The following SMAP1 variants were observed in gnomAD, a reference collection of about 807,000 sequenced individuals.
SMAP1 encodes the protein small ArfGAP 1, also known as stromal membrane-associated protein 1.
In SMAP1, 24 loss-of-function variants were observed where a neutral mutation model predicts 58.5. The observed-to-expected ratio is 0.41, with a 90% confidence interval of 0.30 to 0.58. The LOEUF (loss-of-function observed/expected upper bound fraction) is 0.58, where lower values mean the gene tolerates loss of function less well. SMAP1 is among the 20% of genes least tolerant of loss of function. SMAP1 has a pLI of 0.29. For synonymous variants in SMAP1, 216 were observed against 196.6 expected, an observed-to-expected ratio of 1.10 and a Z score of -0.82; for missense variants, 563 against 566.3, an observed-to-expected ratio of 0.99 and a Z score of 0.06.
At chr6:70,846,768 T>C (rs986362798) in intron 7 of SMAP1, among the ~76,000 whole-genome samples, 2 of 152,096 alleles carry the variant, frequency 1.3e-5, no homozygotes, top group African/African-American at 4.8e-5. Context: ...GTCATGTAAA[T>C]CATTGTAACT....
At chr6:70,823,000 ATCTCTCTTT>A (rs1339427154) in intron 6 of SMAP1, among the ~76,000 whole-genome samples, 96 of 152,016 alleles carry the variant, frequency 6.3e-4, no homozygotes, top group Non-Finnish European at 1.2e-3. Context: ...TAGAATTTTC[ATCTCTCTTT>A]ATATTACCTA....
At chr6:70,764,743 C>T (rs946674512) in intron 3 of SMAP1, among the ~76,000 whole-genome samples, 25 of 152,220 alleles carry the variant, frequency 1.6e-4, no homozygotes, top group African/African-American at 5.5e-4. Context: ...TTGTTTCATG[C>T]CTGTCAATAC....
intron 5 of SMAP1, among the ~76,000 whole-genome samples, chr6:70,795,195 C>T (rs1768551007): frequency 6.6e-6 from 1 of 152,144 alleles, no homozygotes; most frequent in Non-Finnish European, 1.5e-5. Flanking sequence ...TGCTCTCCCT[C>T]TAGTAAATGT....
At chr6:70,774,092 GT>G (rs1393707877) in intron 4 of SMAP1, among the ~76,000 whole-genome samples, 2 of 152,162 alleles carry the variant, frequency 1.3e-5, no homozygotes, top group Admixed American at 6.5e-5. Context: ...TGCAGTACAG[GT>G]TTGTAGCCTG....
At chr6:70,837,287 G>A in intron 7 of SMAP1, among the ~76,000 whole-genome samples, 1 of 152,068 alleles carries the variant, frequency 6.6e-6, no homozygotes, top group East Asian at 1.9e-4. Flanking sequence ...ATCTTCAAAG[G>A]CTTGCTGGAT....
chr6:70,768,427 C>T (rs1252512744), intron 3 of SMAP1, among the ~76,000 whole-genome samples: 1 of 152,090 alleles, frequency 6.6e-6, no homozygotes, highest in Admixed American at 6.6e-5. Context: ...ACAATTTCAG[C>T]TCCTGTTATT....
At position 70,668,006 on chromosome 6, in the gene SMAP1, C is replaced by A; in HGVS notation, c.-18C>A. ...GCCGCCGCCGTAGCTGCCCCAGGCT[C>A]CCCGCCCCGCTGCCGAGATGGCGAC... On this transcript the variant is annotated 5_prime_UTR_variant, in exon 1 of 11. Transcript: ENST00000370455. 1 of 1,574,592 alleles carries A rather than the reference C, an allele frequency of 6.4e-7. No individual in the cohort carries two copies. The highest frequency in any genetic ancestry group is 1.1e-5 in the South Asian group (1 of 87,126).
intron 6 of SMAP1, among the ~76,000 whole-genome samples, chr6:70,814,467 A>G (rs775279424): frequency 2.6e-5 from 4 of 152,124 alleles, no homozygotes; most frequent in Admixed American, 6.6e-5. Flanking sequence ...CCCTGTGCCA[A>G]TGCTCTCAAG....
intron 1 of SMAP1, among the ~76,000 whole-genome samples, chr6:70,705,223 A>T (rs1189885271): frequency 6.7e-6 from 1 of 150,000 alleles, no homozygotes; most frequent in South Asian, 2.1e-4. Flanking sequence ...TTTGAATGAA[A>T]TTTTCTCCAA....
chr6:70,856,875 C>A lies in SMAP1; in HGVS notation c.806C>A (p.Pro269Gln), dbSNP rs769065429. The part of the protein sequence containing the change: ...MPPAQGTPSA[P>Q]AAATLSTVTS... ...TTGTCTCAGGGGACACCCTCTGCAC[C>A]AGCAGCTGCAACCCTGTCTACAGTA... The change falls in exon 9 of 11, where the codon CCA becomes CAA. Residue 269 changes from proline (P) to glutamine (Q), a missense_variant. Physicochemically the swap from Pro to Gln is moderately conservative, Grantham distance 76. Transcript: ENST00000370455. 6.2e-7 allele frequency: 1 copy of A among 1,612,140 alleles called. No individual in the cohort carries two copies. Among genetic ancestry groups the A allele is most frequent in the South Asian group, 1.1e-5 (1 of 90,748 alleles).
At chr6:70,768,413 T>G (rs1767102658) in intron 3 of SMAP1, among the ~76,000 whole-genome samples, 1 of 152,228 alleles carries the variant, frequency 6.6e-6, no homozygotes. Flanking sequence ...TATTGATTAT[T>G]GCCACAATTT....
chr6:70,855,575 A>G (rs994080060), intron 8 of SMAP1, among the ~76,000 whole-genome samples: 2 of 152,222 alleles, frequency 1.3e-5, no homozygotes, highest in Non-Finnish European at 2.9e-5. Context: ...GCTTTGTTTT[A>G]TAAACAATAT....
chr6:70,791,642 CCTT>C, intron 4 of SMAP1, 44 bp from the exon 5 acceptor site: 2 of 1,500,774 alleles, frequency 1.3e-6, no homozygotes, highest in South Asian at 2.4e-5. Flanking sequence ...ATTCTCATTA[CCTT>C]CTTTTTGTTT....
At chr6:70,785,654 T>C (rs1216486039) in intron 4 of SMAP1, among the ~76,000 whole-genome samples, 19 of 152,068 alleles carry the variant, frequency 1.2e-4, no homozygotes, top group Admixed American at 1.2e-3. Flanking sequence ...CAAACTACCA[T>C]CAGAGAATAC....
intron 4 of SMAP1, among the ~76,000 whole-genome samples, chr6:70,774,632 A>G (rs557528954): frequency 6.6e-6 from 1 of 152,120 alleles, no homozygotes; most frequent in African/African-American, 2.4e-5. Flanking sequence ...TAATCCCAGC[A>G]CTTTGGGAGG....
In SMAP1 at chr6:70,860,574, G is replaced by C. The variant is rs1339291524; in HGVS notation, c.*240G>C. 4.5e-6 allele frequency: 2 copies of C among 439,770 alleles called. No homozygotes were observed. Among genetic ancestry groups the C allele is most frequent in the Non-Finnish European group, 7.9e-6 (2 of 254,446 alleles). 27.2% of individuals were successfully genotyped at this position (439,770 alleles called of 1,614,324 possible). ...CATATTTCCCATGATTTCATGTACT[G>C]CATTATTTGAGAAGCTGCTCAACTT... On this transcript the variant is annotated 3_prime_UTR_variant, in exon 11 of 11. Coordinates refer to ENST00000370455, the MANE Select transcript of SMAP1 (RefSeq NM_001044305.3).
intron 6 of SMAP1, among the ~76,000 whole-genome samples, chr6:70,805,084 C>G (rs141307371): frequency 0.03 from 4,529 of 152,242 alleles, 142 homozygotes; most frequent in South Asian, 0.11. Context: ...GGATAATATC[C>G]TGAAGAGTGT....
intron 10 of SMAP1, chr6:70,859,472 T>G (rs1771603097): frequency 8.9e-7 from 1 of 1,121,348 alleles, no homozygotes; most frequent in African/African-American, 1.6e-5. Context: ...TGATGTAGTT[T>G]ATGTTAGTGT....
chr6:70,784,935 G>C (rs573181431), intron 4 of SMAP1, among the ~76,000 whole-genome samples: 101 of 152,252 alleles, frequency 6.6e-4, no homozygotes, highest in Non-Finnish European at 1.2e-3. Flanking sequence ...ATAGAACTCA[G>C]CTCTGCACCA....
Sources: allele counts gnomAD v4.1 joint callset (sites outside exome capture counted in the v4.1 genomes callset), GRCh38; gene constraint gnomAD v4.1.1; transcripts MANE v1.5; gene names NCBI Gene and HGNC (gene_info 2026-07-23, HGNC 2026-07-21).